The following FTCDNL1 variants were observed in gnomAD, a reference collection of about 807,000 sequenced individuals.
FTCDNL1 encodes the protein formiminotransferase N-terminal subdomain-containing protein.
In FTCDNL1, 11 loss-of-function variants were observed where a neutral mutation model predicts 5.9. The observed-to-expected ratio is 1.87, with a 90% confidence interval of 1.18 to 3.10. The LOEUF (loss-of-function observed/expected upper bound fraction) is 3.10, where lower values mean the gene tolerates loss of function less well. Ranked by LOEUF, FTCDNL1 falls within the 30% of genes most tolerant of loss-of-function variation. The pLI is 0.00. For synonymous variants in FTCDNL1, 58 were observed against 24.8 expected, an observed-to-expected ratio of 2.34 and a Z score of -3.99; for missense variants, 115 against 65.5, an observed-to-expected ratio of 1.76 and a Z score of -2.61.
intron 3 of FTCDNL1, among the ~76,000 whole-genome samples, chr2:199,841,819 G>A (rs1342110195): frequency 6.6e-6 from 1 of 152,150 alleles, no homozygotes; most frequent in Non-Finnish European, 1.5e-5. Flanking sequence ...AAACTGGTCA[G>A]CCTGCTTCCT....
At chr2:199,782,488 G>T (rs1261991589) in intron 3 of FTCDNL1, among the ~76,000 whole-genome samples, 1 of 152,182 alleles carries the variant, frequency 6.6e-6, no homozygotes, top group African/African-American at 2.4e-5. Context: ...AAGTTTCAAA[G>T]GATTCCACAT....
chr2:199,731,670 C>T, the FTCDNL1 span, among the ~76,000 whole-genome samples: 7 of 152,242 alleles, frequency 4.6e-5, no homozygotes, highest in Admixed American at 2.0e-4. Context: ...GGGCGGATCA[C>T]GAGGTCAGGA....
chr2:199,763,167 A>G (rs551789678), intron 3 of FTCDNL1, among the ~76,000 whole-genome samples: 15 of 152,318 alleles, frequency 9.8e-5, no homozygotes, highest in African/African-American at 3.4e-4. Context: ...TAGAGACGTC[A>G]TGCAGAGATG....
chr2:199,836,405 C>G (rs1702744037), intron 3 of FTCDNL1, among the ~76,000 whole-genome samples: 1 of 152,168 alleles, frequency 6.6e-6, no homozygotes. Flanking sequence ...CTCCTGGGCT[C>G]AAACAATCCT....
chr2:199,703,513 C>T, the FTCDNL1 span, among the ~76,000 whole-genome samples: 1 of 152,036 alleles, frequency 6.6e-6, no homozygotes, highest in South Asian at 2.1e-4. Context: ...ATTGGTTTCC[C>T]CTGTTTCTCT....
At chr2:199,807,206 T>C (rs1207109062), downstream of FTCDNL1, among the ~76,000 whole-genome samples, 1 of 152,216 alleles carries the variant, frequency 6.6e-6, no homozygotes, top group Non-Finnish European at 1.5e-5. Flanking sequence ...GAGCTGGTGA[T>C]AGTGTACCCA....
intron 3 of FTCDNL1, among the ~76,000 whole-genome samples, chr2:199,782,979 T>C (rs1321999570): frequency 1.3e-5 from 2 of 152,242 alleles, no homozygotes; most frequent in African/African-American, 2.4e-5. Flanking sequence ...CTTTTGATTG[T>C]ATAAAATAAG....
chr2:199,767,551 G>A (rs1051383396), intron 3 of FTCDNL1, among the ~76,000 whole-genome samples: 2 of 152,204 alleles, frequency 1.3e-5, no homozygotes, highest in Non-Finnish European at 2.9e-5. Context: ...CAAGGTGATG[G>A]TATTAAGAGG....
chr2:199,680,245 A>G, the FTCDNL1 span, among the ~76,000 whole-genome samples: 1 of 152,210 alleles, frequency 6.6e-6, no homozygotes, highest in South Asian at 2.1e-4. Flanking sequence ...ATATAAGCAA[A>G]CCATTGTAAT....
At chr2:199,716,851 A>C in the FTCDNL1 span, among the ~76,000 whole-genome samples, 1 of 152,176 alleles carries the variant, frequency 6.6e-6, no homozygotes, top group Non-Finnish European at 1.5e-5. Flanking sequence ...TTTTGAAAAA[A>C]GATACAAGTT....
At chr2:199,814,099 G>A (rs1457327134) in intron 4 of FTCDNL1, among the ~76,000 whole-genome samples, 1 of 151,922 alleles carries the variant, frequency 6.6e-6, no homozygotes, top group Non-Finnish European at 1.5e-5. Flanking sequence ...CAGAACTCAG[G>A]TTCAAAAACA....
chr2:199,738,003 G>A, the FTCDNL1 span, among the ~76,000 whole-genome samples: 1 of 152,172 alleles, frequency 6.6e-6, no homozygotes, highest in African/African-American at 2.4e-5. Flanking sequence ...ACAGGCTCAC[G>A]GAGCCTCTCC....
the FTCDNL1 span, among the ~76,000 whole-genome samples, chr2:199,736,745 A>T: frequency 1.3e-5 from 2 of 152,230 alleles, no homozygotes; most frequent in African/African-American, 4.8e-5. Context: ...ATATCACTTC[A>T]ATCTACAACT....
chr2:199,806,510 G>A (rs1700733410), downstream of FTCDNL1, among the ~76,000 whole-genome samples: 1 of 152,152 alleles, frequency 6.6e-6, no homozygotes, highest in Non-Finnish European at 1.5e-5. Context: ...CTCAGCCAGG[G>A]GGAATGATAA....
the FTCDNL1 span, among the ~76,000 whole-genome samples, chr2:199,743,539 G>C: frequency 6.6e-6 from 1 of 152,168 alleles, no homozygotes; most frequent in South Asian, 2.1e-4. Context: ...AAAAGCAAAG[G>C]TGTAGATGGA....
At chr2:199,745,825 A>G in the FTCDNL1 span, among the ~76,000 whole-genome samples, 2 of 149,658 alleles carry the variant, frequency 1.3e-5, no homozygotes, top group African/African-American at 5.0e-5. Flanking sequence ...TAGGAGTTAC[A>G]AGCATGAACT....
chr2:199,731,096 G>T, the FTCDNL1 span, among the ~76,000 whole-genome samples: 2 of 152,164 alleles, frequency 1.3e-5, no homozygotes, highest in Non-Finnish European at 2.9e-5. Context: ...CACAAGAACA[G>T]AAAACCAAAC....
At chr2:199,815,784 G>A (rs1399176985) in intron 4 of FTCDNL1, among the ~76,000 whole-genome samples, 4 of 152,092 alleles carry the variant, frequency 2.6e-5, no homozygotes, top group Middle Eastern at 3.4e-3. Flanking sequence ...GGCAGATCAC[G>A]AGGTCAGGAG....
chr2:199,761,450 A>C (rs987369870), intron 3 of FTCDNL1, among the ~76,000 whole-genome samples: 5 of 152,190 alleles, frequency 3.3e-5, no homozygotes, highest in African/African-American at 1.2e-4. Flanking sequence ...CACTTGCCAT[A>C]AATAGAGCAG....
Sources: gnomAD v4.1 joint callset for allele counts (sites outside exome capture counted in the v4.1 genomes callset) on GRCh38, gnomAD v4.1.1 for gene constraint, MANE v1.5 for transcripts, NCBI Gene and HGNC (gene_info 2026-07-23, HGNC 2026-07-21) for gene names.